SMPX: variants seen among roughly 807,000 people sequenced by gnomAD.
SMPX encodes the protein small muscular protein.
Under a neutral mutation model 6.3 loss-of-function variants are expected in SMPX, and 2 were observed. The ratio of observed to expected loss-of-function variants is 0.32; its 90% confidence interval spans 0.13 to 0.99. The LOEUF is 0.99. SMPX is among the 50% of genes least tolerant of loss of function. The probability of loss-of-function intolerance (pLI) is 0.49; values close to 1 mark genes in which losing one functional copy is unlikely to be tolerated. For missense variants in SMPX, 60 were observed against 66.8 expected (o/e 0.90, Z 0.36); for synonymous variants, 32 against 24.7 (o/e 1.30, Z -0.88).
intron 3 of SMPX, among the ~76,000 whole-genome samples, chrX:21,739,784 A>C (rs2092814233): frequency 8.9e-6 from 1 of 112,306 alleles, no homozygotes; most frequent in South Asian, 3.7e-4. Flanking sequence ...TTAATAAAGA[A>C]GCATGAAAGA....
In SMPX at chrX:21,758,104, A is replaced by G. The variant is rs2092834921; in HGVS notation, c.-175T>C. 3.1e-6 allele frequency: 1 copy of G among 327,771 alleles called. No homozygotes were observed. Among genetic ancestry groups the G allele is most frequent in the African/African-American group, 2.7e-5 (1 of 37,582 alleles). The allele number at this position is 327,771 out of a possible 1,213,427, so 27.0% of individuals were successfully genotyped here. On this transcript the variant is annotated 5_prime_UTR_variant, in exon 1 of 5. Transcript: ENST00000379494. ...GAAATAGCTCTGTGCCTCTCCCGGT[A>G]TTGAGAACTGCTCCTGGCTCGGGGC...
Position 21,758,028 on chromosome X carries a change from G to A in SMPX, c.-99C>T. 6.1e-6 allele frequency: 2 copies of A among 329,437 alleles called. No homozygotes were observed. Among genetic ancestry groups the A allele is most frequent in the Middle Eastern group, 9.6e-4 (1 of 1,041 alleles). 27.1% of individuals were successfully genotyped at this position (329,437 alleles called of 1,213,427 possible). On this transcript the variant is annotated 5_prime_UTR_variant, in exon 1 of 5. Coordinates refer to ENST00000379494, the MANE Select transcript of SMPX (RefSeq NM_014332.3). ...AAGCTCCTTGGAAGGTGGAAGGGGC[G>A]CCCGGTGTCCTCTGAGCTGCGATCT...
At chrX:21,736,554 A>G (rs1287275604) in intron 4 of SMPX, among the ~76,000 whole-genome samples, 1 of 112,274 alleles carries the variant, frequency 8.9e-6, no homozygotes, top group African/African-American at 3.2e-5. Flanking sequence ...TGTTCTTCGC[A>G]CAGTATCTTG....
chrX:21,710,558 AT>A (rs976207477), intron 4 of SMPX, among the ~76,000 whole-genome samples: 4 of 112,018 alleles, frequency 3.6e-5, no homozygotes, highest in African/African-American at 1.3e-4. Context: ...TGAAAATAAA[AT>A]TTTTTTTAAA....
At chrX:21,730,094 TATC>T (rs1306874683) in intron 4 of SMPX, among the ~76,000 whole-genome samples, 1 of 112,206 alleles carries the variant, frequency 8.9e-6, no homozygotes, top group Non-Finnish European at 1.9e-5. Context: ...GAATGAAAAA[TATC>T]AGCATAAAAC....
intron 4 of SMPX, among the ~76,000 whole-genome samples, chrX:21,707,023 C>T (rs936563740): frequency 3.7e-5 from 4 of 108,508 alleles, no homozygotes; most frequent in African/African-American, 1.3e-4. Flanking sequence ...CGGACTAATA[C>T]GAGATCTCCA....
At chrX:21,712,884 C>T (rs1486269443) in intron 4 of SMPX, among the ~76,000 whole-genome samples, 1 of 112,419 alleles carries the variant, frequency 8.9e-6, no homozygotes, top group Non-Finnish European at 1.9e-5. Context: ...AAGAATCCTC[C>T]TACAACTGTC....
intron 3 of SMPX, among the ~76,000 whole-genome samples, chrX:21,740,680 A>G (rs1014005571): frequency 8.9e-6 from 1 of 111,971 alleles, no homozygotes; most frequent in African/African-American, 3.3e-5. Flanking sequence ...CCTCACCTCA[A>G]CCATAGAAAT....
chrX:21,710,753 G>T (rs1054409113), intron 4 of SMPX, among the ~76,000 whole-genome samples: 2 of 111,743 alleles, frequency 1.8e-5, no homozygotes, highest in African/African-American at 6.5e-5. Context: ...AGAGGGGGAA[G>T]CTGGGCCAGT....
At chrX:21,737,217 G>A (rs1003347202) in intron 4 of SMPX, among the ~76,000 whole-genome samples, 2 of 111,619 alleles carry the variant, frequency 1.8e-5, no homozygotes, top group Admixed American at 1.9e-4. Flanking sequence ...GAAGCATGGA[G>A]TGAGGGAGGG....
At chrX:21,734,626 G>A (rs2092808588) in intron 4 of SMPX, among the ~76,000 whole-genome samples, 1 of 111,045 alleles carries the variant, frequency 9.0e-6, no homozygotes, top group Non-Finnish European at 1.9e-5. Flanking sequence ...CCTGGACTGG[G>A]GCCCCATTTG....
At chrX:21,725,310 T>C (rs928100663) in intron 4 of SMPX, among the ~76,000 whole-genome samples, 2 of 112,098 alleles carry the variant, frequency 1.8e-5, no homozygotes, top group African/African-American at 6.5e-5. Flanking sequence ...CAGACTCCAA[T>C]AGTACATAGC....
intron 4 of SMPX, among the ~76,000 whole-genome samples, chrX:21,722,867 G>A (rs973574881): frequency 6.3e-5 from 7 of 111,649 alleles, no homozygotes; most frequent in Admixed American, 2.9e-4. Flanking sequence ...GAGCTCTTAC[G>A]TGTATTAACT....
chrX:21,743,891 C>T, intron 2 of SMPX, 55 bp from the exon 3 acceptor site: 1 of 865,103 alleles, frequency 1.2e-6, no homozygotes, highest in Non-Finnish European at 1.7e-6. Context: ...ATTGCAATGA[C>T]ATTCTGAGAC....
At chrX:21,754,989 C>A (rs2092831341) in intron 1 of SMPX, among the ~76,000 whole-genome samples, 1 of 112,386 alleles carries the variant, frequency 8.9e-6, no homozygotes, top group Non-Finnish European at 1.9e-5. Flanking sequence ...TTCAAGGAGG[C>A]AAGGAAGATT....
At chrX:21,745,538 A>T (rs1191694198) in intron 2 of SMPX, among the ~76,000 whole-genome samples, 7 of 112,049 alleles carry the variant, frequency 6.2e-5, no homozygotes, top group African/African-American at 2.3e-4. Context: ...AGTGTCTTAG[A>T]TTGGATGAAA....
chrX:21,746,084 C>T lies in SMPX; in HGVS notation c.46-2248G>A, dbSNP rs912134895. 5.4e-5 allele frequency among the ~76,000 whole-genome samples: 6 copies of T among 111,565 alleles called. No homozygotes were observed. In the South Asian group the frequency reaches 2.3e-3, roughly 42 times the overall value. On this transcript the variant is annotated intron_variant, in intron 2 of 4. Transcript: ENST00000379494. Reference sequence around the variant, plus strand: ...TGAAAAAGTAACAATTGCTCTGGGTCTCATTGTCCCCATTTGTAATATGAA... The same window carrying T: ...TGAAAAAGTAACAATTGCTCTGGGTTTCATTGTCCCCATTTGTAATATGAA...
At chrX:21,732,588 A>G (rs1448590521) in intron 4 of SMPX, among the ~76,000 whole-genome samples, 1 of 112,378 alleles carries the variant, frequency 8.9e-6, no homozygotes, top group Non-Finnish European at 1.9e-5. Context: ...CCTAATATGT[A>G]TCATGTGAAT....
In SMPX at chrX:21,744,670, A is replaced by G. The variant is rs774551899; in HGVS notation, c.46-834T>C. ...AAAAATGTCCTCAACCAGTATTATCACTCACATAAAACAACCATCAAATAC... is the reference window on the plus strand; with the variant it reads ...AAAAATGTCCTCAACCAGTATTATCGCTCACATAAAACAACCATCAAATAC... On this transcript the variant is annotated intron_variant, in intron 2 of 4. Transcript: ENST00000379494. 2.7e-5 allele frequency among the ~76,000 whole-genome samples: 3 copies of G among 112,436 alleles called. No individual in the cohort carries two copies. The East Asian group carries it at 8.4e-4, about 31-fold the overall frequency.
Sources: gnomAD v4.1 joint callset for allele counts (sites outside exome capture counted in the v4.1 genomes callset) on GRCh38, gnomAD v4.1.1 for gene constraint, MANE v1.5 for transcripts, NCBI Gene and HGNC (gene_info 2026-07-23, HGNC 2026-07-21) for gene names.